NAT10: variants seen among roughly 807,000 people sequenced by gnomAD.
NAT10 encodes RNA cytidine acetyltransferase.
A neutral mutation model predicts 132.2 loss-of-function variants in NAT10; 109 were observed. The observed-to-expected ratio is 0.82, with a 90% CI of 0.71 to 0.97. NAT10 has a LOEUF of 0.97. Ranked by LOEUF, NAT10 falls within the 50% of genes least tolerant of loss-of-function variation. The probability of loss-of-function intolerance (pLI) is 0.00; values close to 1 mark genes in which losing one functional copy is unlikely to be tolerated. For missense variants in NAT10, 1,184 were observed against 1,263.4 expected, an observed-to-expected ratio of 0.94 and a Z score of 0.95; for synonymous variants, 479 against 478.0, an observed-to-expected ratio of 1.00 and a Z score of -0.03.
intron 26 of NAT10, 105 bp downstream of exon 26, chr11:34,141,922 A>G (rs985615965): frequency 1.4e-5 from 13 of 936,438 alleles, no homozygotes; most frequent in Non-Finnish European, 2.1e-5. Context: ...AGTCCTCTGC[A>G]CTAATTGAGC....
rs1456362733 is a variant in NAT10 at position 34,140,426 on chromosome 11, C to T, written c.2446C>T (p.Leu816Phe). 3 of 1,613,890 alleles carry T rather than the reference C, an allele frequency of 1.9e-6. No homozygotes were observed. The highest frequency in any genetic ancestry group is 1.3e-5 in the African/African-American group (1 of 74,920). Residue 816 changes from leucine (L) to phenylalanine (F), a missense_variant, in exon 24 of 29, where the codon CTC (leucine) becomes TTC (phenylalanine). By Grantham distance (22) the Leu-to-Phe change is conservative. Transcript: ENST00000257829. ...PALSREELEALFLPYDLKRLE... is the reference protein window; with the variant it reads ...PALSREELEAFFLPYDLKRLE... The stretch of plus-strand genomic sequence containing the variant: ...CCTGAGCCGGGAGGAGCTGGAAGCA[C>T]TCTTCCTCCCCTATGACCTGAAGCG...
intron 3 of NAT10, 28 bp from the exon 4 acceptor site, chr11:34,112,016 ACTGGCTCT>A (rs1289246358): frequency 6.2e-7 from 1 of 1,611,084 alleles, no homozygotes. Context: ...GCTCTGGTTA[ACTGGCTCT>A]CATGGGATTG....
chr11:34,140,420 G>A lies in NAT10; in HGVS notation c.2440G>A (p.Glu814Lys), dbSNP rs564952457. 1.2e-6 allele frequency: 2 copies of A among 1,613,858 alleles called. No homozygotes were observed. The highest frequency in any genetic ancestry group is 1.1e-5 in the South Asian group (1 of 91,086). The change falls in exon 24 of 29, where the codon GAA becomes AAA. Residue 814 changes from glutamate to lysine, a missense_variant. Glu to Lys is a moderately conservative substitution (Grantham distance 56, BLOSUM62 1). Coordinates refer to ENST00000257829, the MANE Select transcript of NAT10 (RefSeq NM_024662.3). ...GACAGCCCTGAGCCGGGAGGAGCTG[G>A]AAGCACTCTTCCTCCCCTATGACCT... ...AQPALSREEL[E>K]ALFLPYDLKR...
Position 34,139,304 on chromosome 11 carries a change from G to A in NAT10, c.2308+17G>A. ...TCTGGAAAGGTGACTGAGGAGTAGG[G>A]GTTTGGGGGAGACAATGAGGTGATT... On this transcript the variant is annotated intron_variant, in intron 22 of 28. Coordinates refer to ENST00000257829, the MANE Select transcript of NAT10 (RefSeq NM_024662.3). The A allele has an allele frequency of 6.2e-7, 1 of 1,613,832 alleles. No individual in the cohort carries two copies. The highest frequency in any genetic ancestry group is 8.5e-7 in the Non-Finnish European group (1 of 1,179,726).
intron 1 of NAT10, chr11:34,107,437 C>T (rs1473929622): frequency 1.3e-5 from 2 of 152,140 alleles, no homozygotes; most frequent in African/African-American, 2.4e-5. Flanking sequence ...ATTAGTAACA[C>T]GTGAATTTTT....
intron 3 of NAT10, among the ~76,000 whole-genome samples, chr11:34,111,217 G>A (rs1851688608): frequency 6.6e-6 from 1 of 152,178 alleles, no homozygotes; most frequent in African/African-American, 2.4e-5. Flanking sequence ...GTCTTAGTCT[G>A]GCAGAGCATT....
intron 13 of NAT10, 137 bp from the exon 14 acceptor site, chr11:34,131,243 AC>A (rs778747750): frequency 2.7e-5 from 34 of 1,269,092 alleles, no homozygotes; most frequent in Non-Finnish European, 3.5e-5. Context: ...ACAATTTTAA[AC>A]CACCCAGTTT....
At chr11:34,113,019 A>G (rs889078329) in intron 4 of NAT10, among the ~76,000 whole-genome samples, 1 of 152,252 alleles carries the variant, frequency 6.6e-6, no homozygotes, top group South Asian at 2.1e-4. Context: ...GCTGGCTTGC[A>G]TCTCACCTTG....
chr11:34,140,780 G>A (rs938668963), intron 24 of NAT10, among the ~76,000 whole-genome samples: 5 of 152,148 alleles, frequency 3.3e-5, no homozygotes, highest in Admixed American at 6.5e-5. Flanking sequence ...TGAGAGAGCT[G>A]CAGCTTCCAC....
intron 27 of NAT10, among the ~76,000 whole-genome samples, chr11:34,143,106 G>T (rs1422305474): frequency 2.0e-5 from 3 of 152,208 alleles, no homozygotes; most frequent in African/African-American, 7.2e-5. Context: ...GAAGATTGTG[G>T]GGGTGACAGG....
chr11:34,136,156 A>G (rs924127988), intron 19 of NAT10, among the ~76,000 whole-genome samples: 12 of 149,420 alleles, frequency 8.0e-5, no homozygotes, highest in Non-Finnish European at 1.6e-4. Flanking sequence ...ATCTCAGCTC[A>G]CTGCAACCTC....
intron 28 of NAT10, among the ~76,000 whole-genome samples, chr11:34,144,162 C>T (rs568192623): frequency 7.2e-5 from 11 of 152,250 alleles, no homozygotes; most frequent in African/African-American, 2.6e-4. Flanking sequence ...TGGCCAGGTG[C>T]AGTGGCTCAC....
intron 24 of NAT10, 33 bp downstream of exon 24, chr11:34,140,605 C>G (rs374060453): frequency 3.1e-6 from 5 of 1,600,238 alleles, no homozygotes; most frequent in Non-Finnish European, 2.6e-6. Flanking sequence ...GGAGGAGAAG[C>G]GAGGATTGTG....
intron 1 of NAT10, among the ~76,000 whole-genome samples, chr11:34,107,913 T>C (rs1167565955): frequency 6.6e-6 from 1 of 152,266 alleles, no homozygotes. Context: ...TATCTCCTTA[T>C]GTATTTTAGT....
At chr11:34,135,096 C>G in intron 18 of NAT10, 79 bp from the exon 19 acceptor site, 2 of 1,103,264 alleles carry the variant, frequency 1.8e-6, no homozygotes, top group Non-Finnish European at 2.7e-6. Context: ...TCTCTAGAAG[C>G]AATGCAGGGG....
At chr11:34,138,647 A>G (rs983422781) in intron 21 of NAT10, among the ~76,000 whole-genome samples, 2 of 152,086 alleles carry the variant, frequency 1.3e-5, no homozygotes, top group East Asian at 1.9e-4. Flanking sequence ...TGCACTGTTC[A>G]TTTGTGACTT....
At chr11:34,114,440 G>T (rs1038968750) in intron 5 of NAT10, among the ~76,000 whole-genome samples, 1 of 152,204 alleles carries the variant, frequency 6.6e-6, no homozygotes, top group Non-Finnish European at 1.5e-5. Context: ...CAGCAGCTCA[G>T]TAATGGTGGT....
Position 34,112,219 on chromosome 11 carries a change from T to C in NAT10, c.368T>C (p.Leu123Pro). Residue 123 changes from leucine (L) to proline (P), a missense_variant, in exon 4 of 29, where the codon CTG (leucine) becomes CCG (proline). Physicochemically the swap from Leu to Pro is moderately conservative, Grantham distance 98 (BLOSUM62 -3). Transcript: ENST00000257829. ...ILGNTFGMCVLQDFEALTPNL... is the reference protein window; with the variant it reads ...ILGNTFGMCVPQDFEALTPNL... ...GGCAATACCTTCGGCATGTGTGTGC[T>C]GCAGGTGGGTGGCTTCCTCTAACCT... The C allele has an allele frequency of 1.2e-6, 2 of 1,614,170 alleles. No homozygotes were observed. The highest frequency in any genetic ancestry group is 1.7e-6 in the Non-Finnish European group (2 of 1,180,014).
At chr11:34,125,575 C>G (rs905055450) in intron 11 of NAT10, among the ~76,000 whole-genome samples, 8 of 152,320 alleles carry the variant, frequency 5.3e-5, no homozygotes, top group Non-Finnish European at 1.0e-4. Flanking sequence ...TGGGGGGCTG[C>G]TTTCTGCTGC....
Sources: allele counts gnomAD v4.1 joint callset (sites outside exome capture counted in the v4.1 genomes callset), GRCh38; gene constraint gnomAD v4.1.1; transcripts MANE v1.5; gene names NCBI Gene and HGNC (gene_info 2026-07-23, HGNC 2026-07-21).